Variants in CCDC3 observed in about 807,000 individuals in gnomAD.
CCDC3 encodes coiled-coil domain containing 3.
In CCDC3, 24 loss-of-function variants were observed where a neutral mutation model predicts 21.4. The ratio of observed to expected loss-of-function variants is 1.12; its 90% CI spans 0.81 to 1.58. The LOEUF is 1.58. Ranked by LOEUF, CCDC3 falls within the 40% of genes most tolerant of loss-of-function variation. CCDC3 has a pLI of 0.00. For missense variants in CCDC3, 425 were observed against 360.9 expected, an observed-to-expected ratio of 1.18 and a Z score of -1.44; for synonymous variants, 186 against 166.0, an observed-to-expected ratio of 1.12 and a Z score of -0.93.
In CCDC3 at chr10:12,898,320, C is replaced by T; in HGVS notation, c.*96G>A. ...CCAAATGCGTGATTAAAAACAAAAA[C>T]TCTTACAACCCTTGAAATAGCTGCA... On this transcript the variant is annotated 3_prime_UTR_variant, in exon 3 of 3. Transcript: ENST00000378825. The T allele has an allele frequency of 1.5e-6, 2 of 1,320,894 alleles. No homozygotes were observed. The highest frequency in any genetic ancestry group is 3.0e-5 in the South Asian group (2 of 67,210). The allele number at this position is 1,320,894 out of a possible 1,614,324, so 81.8% of individuals were successfully genotyped here.
chr10:13,001,890 G>A (rs900802381), upstream of CCDC3, among the ~76,000 whole-genome samples: 3 of 152,082 alleles, frequency 2.0e-5, no homozygotes, highest in Admixed American at 2.0e-4. Flanking sequence ...GGGACGCCGG[G>A]ACCCAGCCCT....
At chr10:12,980,356 G>A (rs1004385778) in intron 2 of CCDC3, among the ~76,000 whole-genome samples, 2 of 152,204 alleles carry the variant, frequency 1.3e-5, no homozygotes, top group African/African-American at 4.8e-5. Context: ...GCATGGGGAA[G>A]ACAGGAGGAG....
At chr10:12,951,682 G>A (rs1348693219) in intron 2 of CCDC3, among the ~76,000 whole-genome samples, 1 of 151,766 alleles carries the variant, frequency 6.6e-6, no homozygotes, top group Non-Finnish European at 1.5e-5. Context: ...GCATGCGCCT[G>A]TAGTCCCAGT....
intron 4 of CCDC3, among the ~76,000 whole-genome samples, chr10:13,056,195 C>A (rs185128623): frequency 6.6e-6 from 1 of 152,152 alleles, no homozygotes. Context: ...CATTCAGGGA[C>A]CCAAGGTGGT....
chr10:13,017,367 A>G lies in CCDC3; in HGVS notation c.-1-18855T>C, dbSNP rs922162898. ...CTTCACCTCTACTAAAAATACAAAA[A>G]TTAGCCAGGTGTGGTGGCGGGTGCC... is the stretch of plus-strand genomic sequence containing the variant. On this transcript the variant is annotated intron_variant, in intron 5 of 6. Coordinates refer to the CCDC3 transcript ENST00000378839. 2.6e-5 allele frequency among the ~76,000 whole-genome samples: 4 copies of G among 151,952 alleles called. No individual in the cohort carries two copies. In the South Asian group the frequency reaches 8.4e-4, roughly 32 times the overall value.
chr10:12,931,437 G>A (rs68178650), intron 2 of CCDC3, among the ~76,000 whole-genome samples: 15,187 of 152,178 alleles, frequency 0.1, 803 homozygotes, highest in African/African-American at 0.13. Context: ...AAACTTCCTT[G>A]TATTGACCCT....
intron 2 of CCDC3, among the ~76,000 whole-genome samples, chr10:12,899,366 T>C (rs1048534904): frequency 6.6e-6 from 1 of 152,186 alleles, no homozygotes; most frequent in Non-Finnish European, 1.5e-5. Flanking sequence ...ACAGGTGCTA[T>C]CATACTGTCA....
rs189682675 is a variant in CCDC3, at chr10:12,968,551, C to T, written c.549+29787G>A. On this transcript the variant is annotated intron_variant, in intron 2 of 2. Coordinates refer to ENST00000378825, the MANE Select transcript of CCDC3 (RefSeq NM_031455.4). ...CAGGAAAATACATCAAAGTATAAAACTCATTTGTAAAAGTAAGTAGTCAAA... is the reference window on the plus strand; with the variant it reads ...CAGGAAAATACATCAAAGTATAAAATTCATTTGTAAAAGTAAGTAGTCAAA... Among the ~76,000 whole-genome samples the T allele has an allele frequency of 3.1e-3, 470 of 152,240 alleles. 2 individuals are homozygous for T. Among genetic ancestry groups the T allele is most frequent in the African/African-American group, 0.011 (450 of 41,538 alleles).
intron 3 of CCDC3, among the ~76,000 whole-genome samples, chr10:13,091,737 A>G (rs192382490): frequency 1.3e-5 from 2 of 151,770 alleles, no homozygotes; most frequent in East Asian, 3.9e-4. Flanking sequence ...TAAATAACAG[A>G]GTCAAATACA....
Position 13,001,607 on chromosome 10 carries a change from G to C in CCDC3, c.-37C>G. The C allele has an allele frequency of 9.0e-7, 1 of 1,109,336 alleles. No homozygotes were observed. Among genetic ancestry groups the C allele is most frequent in the East Asian group, 5.4e-5 (1 of 18,628 alleles). 68.7% of individuals were successfully genotyped at this position (1,109,336 alleles called of 1,614,324 possible). ...CCGGGGCGCACGGGGCGGCGGCGGG[G>C]AGCCCGGGGAGCCCGCCGGCCCGGG... On this transcript the variant is annotated 5_prime_UTR_variant, in exon 1 of 3. Transcript: ENST00000378825.
intron 3 of CCDC3, among the ~76,000 whole-genome samples, chr10:13,097,966 G>A (rs1254453115): frequency 1.3e-5 from 2 of 152,168 alleles, no homozygotes; most frequent in Non-Finnish European, 2.9e-5. Flanking sequence ...AAGAGGTTTG[G>A]TCCTTAGAAC....
chr10:13,049,684 G>C (rs1363748183), exon 5 of CCDC3: 4 of 152,208 alleles, frequency 2.6e-5, no homozygotes, highest in Non-Finnish European at 1.5e-5. Context: ...GTTTAAAGGG[G>C]AGTTTGGCAG....
In CCDC3 at chr10:12,998,342, C is replaced by T. The variant is rs1835793698; in HGVS notation, c.545G>A (p.Ser182Asn). ...FSSDWEIQEDSRLMCSSVQKA... is the reference protein window; with the variant it reads ...FSSDWEIQEDNRLMCSSVQKA... Reference sequence around the variant, plus strand: ...CAGGATTTAGCCAATTCTTACCCTACTGTCTTCCTGGATTTCCCAGTCACT... The same window carrying T: ...CAGGATTTAGCCAATTCTTACCCTATTGTCTTCCTGGATTTCCCAGTCACT... The change falls in exon 2 of 3, where the codon AGT (serine) becomes AAT (asparagine). Residue 182 changes from serine to asparagine, a missense_variant. Coordinates refer to ENST00000378825, the MANE Select transcript of CCDC3 (RefSeq NM_031455.4). The T allele has an allele frequency of 6.2e-6, 10 of 1,613,748 alleles. No individual in the cohort carries two copies. The highest frequency in any genetic ancestry group is 1.3e-5 in the African/African-American group (1 of 74,908).
chr10:13,036,457 G>A (rs1415346924), intron 5 of CCDC3, among the ~76,000 whole-genome samples: 1 of 152,100 alleles, frequency 6.6e-6, no homozygotes, highest in Non-Finnish European at 1.5e-5. Flanking sequence ...AGACAGAAAA[G>A]TGAAGGCCTT....
At chr10:12,946,443 G>C (rs910702664) in intron 2 of CCDC3, among the ~76,000 whole-genome samples, 5 of 150,688 alleles carry the variant, frequency 3.3e-5, no homozygotes, top group African/African-American at 1.2e-4. Flanking sequence ...ATTTTTTTTT[G>C]GTAACAAATA....
chr10:12,979,866 A>G (rs1353778526), intron 2 of CCDC3, among the ~76,000 whole-genome samples: 1 of 152,118 alleles, frequency 6.6e-6, no homozygotes. Context: ...TTGCTTTACT[A>G]CAAAGCTGTG....
Position 13,059,490 on chromosome 10 carries a change from T to C in CCDC3, c.-269-9549A>G, listed in dbSNP as rs539344592. ...GACAATAAATGAAATATTGGACATG[T>C]TGAATTTGAAATCTTGCAGGACAAC... On this transcript the variant is annotated intron_variant, in intron 4 of 6. Coordinates refer to the CCDC3 transcript ENST00000378839. Among the ~76,000 whole-genome samples the C allele has an allele frequency of 3.3e-5, 5 of 152,282 alleles. No homozygotes were observed. The East Asian group carries it at 9.6e-4, about 29-fold the overall frequency.
At chr10:12,930,916 C>A (rs940271582) in intron 2 of CCDC3, among the ~76,000 whole-genome samples, 2 of 152,026 alleles carry the variant, frequency 1.3e-5, no homozygotes, top group Non-Finnish European at 2.9e-5. Context: ...CAGTGATGGT[C>A]GCAAATTTAC....
At chr10:13,028,517 G>C (rs552867927) in intron 5 of CCDC3, among the ~76,000 whole-genome samples, 1 of 152,198 alleles carries the variant, frequency 6.6e-6, no homozygotes, top group South Asian at 2.1e-4. Context: ...TTGGGATTTT[G>C]AGTTAATTTT....
Sources: allele counts gnomAD v4.1 joint callset (sites outside exome capture counted in the v4.1 genomes callset), GRCh38; gene constraint gnomAD v4.1.1; transcripts MANE v1.5; gene names NCBI Gene and HGNC (gene_info 2026-07-23, HGNC 2026-07-21).